Variants in PORCN observed in about 807,000 individuals in gnomAD.
The protein encoded by PORCN is porcupine O-acyltransferase, also known as protein-serine O-palmitoleoyltransferase porcupine.
A neutral mutation model predicts 43.0 loss-of-function variants in PORCN; 1 was observed. That is an observed-to-expected ratio of 0.02 (90% CI 0.01 to 0.11). The LOEUF is 0.11. PORCN is among the 10% of genes least tolerant of loss of function. The pLI is 1.00. For missense variants in PORCN, 240 were observed against 392.1 expected, an observed-to-expected ratio of 0.61 and a Z score of 3.28; for synonymous variants, 148 against 166.4, an observed-to-expected ratio of 0.89 and a Z score of 0.85.
At chrX:48,516,405 G>A (rs782473443) in intron 13 of PORCN, among the ~76,000 whole-genome samples, 140 of 111,766 alleles carry the variant, frequency 1.3e-3, no homozygotes, top group Non-Finnish European at 2.1e-3. Context: ...CTGGAGACAC[G>A]GTGAATGAAA....
At chrX:48,516,211 T>G in intron 13 of PORCN, 65 bp downstream of exon 13, 742 of 998,877 alleles carry the variant, frequency 7.4e-4, no homozygotes, top group Non-Finnish European at 9.6e-4. Flanking sequence ...CTTCTATCTC[T>G]ATCTTGTATG....
In PORCN at chrX:48,511,324, A is replaced by T; in HGVS notation, c.166A>T (p.Thr56Ser). The change falls in exon 3 of 15, where the codon ACC becomes TCC. Residue 56 changes from threonine to serine, a missense_variant. Thr to Ser is a moderately conservative substitution (Grantham distance 58). Transcript: ENST00000326194. ...GLPSYLKHAS[T>S]VAGGFFSLYH... ...GCCATCCTACCTGAAGCATGCAAGC[A>T]CCGTGGCAGGCGGGTTCTTCAGCCT... is the stretch of plus-strand genomic sequence containing the variant. The T allele has an allele frequency of 8.3e-7, 1 of 1,210,861 alleles. No individual in the cohort carries two copies. Among genetic ancestry groups the T allele is most frequent in the Non-Finnish European group, 1.1e-6 (1 of 895,281 alleles).
chrX:48,519,241 G>A (rs1165064358), intron 14 of PORCN, among the ~76,000 whole-genome samples: 1 of 111,385 alleles, frequency 9.0e-6, no homozygotes, highest in Non-Finnish European at 1.9e-5. Flanking sequence ...GCAGGCGTGA[G>A]CCACCGCACT....
chrX:48,516,618 G>A (rs1556975423), intron 13 of PORCN, among the ~76,000 whole-genome samples: 2 of 110,854 alleles, frequency 1.8e-5, no homozygotes, highest in African/African-American at 6.6e-5. Flanking sequence ...GTGAGGTGAT[G>A]TTTGAGGCCT....
chrX:48,515,362 T>G (rs1237549041), intron 10 of PORCN: 79 of 297,586 alleles, frequency 2.7e-4, no homozygotes, highest in Non-Finnish European at 6.1e-5. Flanking sequence ...ATGGTGGTGG[T>G]GGCAGTGGAT....
chrX:48,518,639 G>C (rs1306275713), intron 14 of PORCN, among the ~76,000 whole-genome samples: 3 of 112,324 alleles, frequency 2.7e-5, no homozygotes, highest in Non-Finnish European at 5.6e-5. Flanking sequence ...GCAAATACCA[G>C]ATTTTACTCC....
chrX:48,511,892 T>C lies in PORCN; in HGVS notation c.330T>C (p.Gly110=). The C allele has an allele frequency of 8.3e-7, 1 of 1,203,952 alleles. No homozygotes were observed. Among genetic ancestry groups the C allele is most frequent in the Non-Finnish European group, 1.1e-6 (1 of 888,947 alleles). Residue 110 remains glycine, a splice_region_variant and synonymous_variant, in exon 4 of 15, where the codon GGT becomes GGC. Transcript: ENST00000326194. ...CCAAGACCAGCACCTTTTTCCTCAG[T>C]GAGATGCACATGGTAGACACCGTGA... The part of the protein sequence containing the change: ...SVTILIYLLM[G]EMHMVDTVTW...
At chrX:48,511,961 GCCCAACCC>G in intron 4 of PORCN, 26 bp downstream of exon 4, 7 of 1,166,795 alleles carry the variant, frequency 6.0e-6, no homozygotes, top group Non-Finnish European at 8.2e-6. Flanking sequence ...CCTCTCACCT[GCCCAACCC>G]CCCTGCCCCA....
At position 48,520,380 on chromosome X, in the gene PORCN, C is replaced by T. The variant is rs372084978; in HGVS notation, c.1290C>T (p.Tyr430=). 4.1e-5 allele frequency: 49 copies of T among 1,202,040 alleles called. No homozygotes were observed. Among genetic ancestry groups the T allele is most frequent in the South Asian group, 1.6e-4 (9 of 56,641 alleles). ...CACCTCTTTCTCTCCCACAGGGCTA[C>T]GGCATGGCATACACTGTCCACAAGT... is the stretch of plus-strand genomic sequence containing the variant. ...DVDDTTEEQG[Y]GMAYTVHKWS... is the part of the protein sequence containing the mutation. Residue 430 remains tyrosine (Y), a synonymous_variant, in exon 15 of 15, where the codon TAC becomes TAT. Transcript: ENST00000326194.
intron 14 of PORCN, among the ~76,000 whole-genome samples, chrX:48,518,263 C>T (rs1222639751): frequency 9.1e-6 from 1 of 110,095 alleles, no homozygotes; most frequent in African/African-American, 3.3e-5. Context: ...TCTTGTTGCC[C>T]AGGCTGGAGT....
chrX:48,509,333 A>AC (rs1289132509), intron 1 of PORCN: 6 of 262,144 alleles, frequency 2.3e-5, no homozygotes, highest in Admixed American at 5.4e-5. Flanking sequence ...GATACAGGAC[A>AC]CCCCCCCTCC....
chrX:48,514,124 T>G lies in PORCN; in HGVS notation c.705-3T>G, dbSNP rs782321472. ...CTGCCTTCCTGACCCCTGGGGGCCC[T>G]AGGGGCACCATGGTAAGGTGAGTCT... On this transcript the variant is annotated splice_polypyrimidine_tract_variant and splice_region_variant and intron_variant, in intron 7 of 14. Transcript: ENST00000326194. The G allele has an allele frequency of 8.3e-6, 10 of 1,211,500 alleles. No individual in the cohort carries two copies. The Admixed American group carries it at 2.2e-4, about 26-fold the overall frequency.
rs782201333 is a variant in PORCN, at chrX:48,514,111, C to T, written c.705-16C>T. On this transcript the variant is annotated splice_polypyrimidine_tract_variant and intron_variant, in intron 7 of 14. Coordinates refer to ENST00000326194, the MANE Select transcript of PORCN (RefSeq NM_203475.3). ...TCTTTCTTCTCTGCTGCCTTCCTGA[C>T]CCCTGGGGGCCCTAGGGGCACCATG... is the stretch of plus-strand genomic sequence containing the variant. The T allele has an allele frequency of 2.5e-6, 3 of 1,209,709 alleles. No homozygotes were observed. In the African/African-American group the frequency reaches 5.2e-5, roughly 21 times the overall value.
chrX:48,511,735 CT>C (rs1455297227), intron 3 of PORCN, among the ~76,000 whole-genome samples, 156 bp from the exon 4 acceptor site: 5 of 111,074 alleles, frequency 4.5e-5, no homozygotes, highest in African/African-American at 1.6e-4. Flanking sequence ...TGGGCTCCCC[CT>C]GGAGGAGGGA....
rs1240399258 is a variant in PORCN at position 48,514,601 on chromosome X, C to T, written c.922C>T (p.Pro308Ser). 8.3e-7 allele frequency: 1 copy of T among 1,209,651 alleles called. No homozygotes were observed. The highest frequency in any genetic ancestry group is 2.2e-5 in the Admixed American group (1 of 46,057). The change falls in exon 10 of 15, where the codon CCC (proline) becomes TCC (serine). Residue 308 changes from proline to serine, a missense_variant. Coordinates refer to ENST00000326194, the MANE Select transcript of PORCN (RefSeq NM_203475.3). ...GGAAGTTGTCACAAGCTGGAACCTG[C>T]CCATGTCTTATTGGCTAAATAACTG... ...MVEVVTSWNL[P>S]MSYWLNNYVF...
Position 48,509,658 on chromosome X carries a change from G to T in PORCN, c.-37-126G>T, listed in dbSNP as rs1229487285. On this transcript the variant is annotated intron_variant, in intron 1 of 14. Coordinates refer to ENST00000326194, the MANE Select transcript of PORCN (RefSeq NM_203475.3). ...ACCTGACTTCTCACGCCTTCCCCCA[G>T]TCCTCCAGTACCGTGCCTCTACATG... is the stretch of plus-strand genomic sequence containing the variant. The T allele has an allele frequency of 6.1e-6, 7 of 1,148,321 alleles. No individual in the cohort carries two copies. In the Admixed American group the frequency reaches 1.3e-4, roughly 22 times the overall value. 94.6% of individuals were successfully genotyped at this position (1,148,321 alleles called of 1,213,427 possible).
At chrX:48,519,642 C>T (rs1469888318) in intron 14 of PORCN, among the ~76,000 whole-genome samples, 2 of 112,206 alleles carry the variant, frequency 1.8e-5, no homozygotes, top group African/African-American at 6.5e-5. Context: ...CTGAATGTGC[C>T]TGCTGCCCCA....
intron 1 of PORCN, chrX:48,509,472 C>G (rs1280385375): frequency 1.1e-6 from 1 of 950,961 alleles, no homozygotes; most frequent in African/African-American, 2.0e-5. Context: ...TCGCCCGCCC[C>G]ATTTGATATA....
chrX:48,520,266 G>A (rs782075878), intron 14 of PORCN, 109 bp from the exon 15 acceptor site: 35 of 572,584 alleles, frequency 6.1e-5, no homozygotes, highest in African/African-American at 1.8e-4. Context: ...GCCCTTCTGC[G>A]GGGCCTCGCC....
Sources: gnomAD v4.1 joint callset for allele counts (sites outside exome capture counted in the v4.1 genomes callset) on GRCh38, gnomAD v4.1.1 for gene constraint, MANE v1.5 for transcripts, NCBI Gene and HGNC (gene_info 2026-07-23, HGNC 2026-07-21) for gene names.